ST8SIA2: variants seen among roughly 807,000 people sequenced by gnomAD.
The protein encoded by ST8SIA2 is alpha-2,8-sialyltransferase 8B.
Under a neutral mutation model 37.6 loss-of-function variants are expected in ST8SIA2, and 22 were observed. The observed-to-expected ratio is 0.58, with a 90% CI of 0.42 to 0.83. The LOEUF is 0.83. Among genes scored for constraint, ST8SIA2 ranks in the 40% least tolerant of loss-of-function variants. The probability of loss-of-function intolerance (pLI) is 0.00; values close to 1 mark genes in which losing one functional copy is unlikely to be tolerated. For missense variants in ST8SIA2, 382 were observed against 484.7 expected (o/e 0.79, Z 1.99); for synonymous variants, 205 against 201.2 (o/e 1.02, Z -0.16).
At chr15:92,451,600 A>C (rs1416024795) in intron 5 of ST8SIA2, among the ~76,000 whole-genome samples, 1 of 152,148 alleles carries the variant, frequency 6.6e-6, no homozygotes, top group Non-Finnish European at 1.5e-5. Context: ...GTGACTCAGA[A>C]AGGCTCAGAA....
At chr15:92,418,004 G>T (rs3858915) in intron 1 of ST8SIA2, among the ~76,000 whole-genome samples, 70,160 of 151,840 alleles carry the variant, frequency 0.46, 16,627 homozygotes, top group East Asian at 0.69. Context: ...AGGGCAGGAC[G>T]CAGGGGGCCA....
At chr15:92,454,539 A>C (rs1159637742) in intron 5 of ST8SIA2, among the ~76,000 whole-genome samples, 1 of 151,916 alleles carries the variant, frequency 6.6e-6, no homozygotes. Flanking sequence ...CTCATTCAAC[A>C]CATCTGAGTC....
intron 1 of ST8SIA2, among the ~76,000 whole-genome samples, chr15:92,403,409 A>G (rs60335920): frequency 6.6e-6 from 1 of 152,164 alleles, no homozygotes; most frequent in Non-Finnish European, 1.5e-5. Flanking sequence ...AAGATGCTGG[A>G]AACTTTTGAG....
chr15:92,454,435 G>A lies in ST8SIA2; in HGVS notation c.842+9506G>A, dbSNP rs149547228. Among the ~76,000 whole-genome samples the A allele has an allele frequency of 2.0e-3, 306 of 152,062 alleles. 1 individual carries two copies. Among genetic ancestry groups the A allele is most frequent in the African/African-American group, 7.2e-3 (298 of 41,464 alleles). ...AATACAGTCACATTCCAAGGTACTG[G>A]GGGTTAAAACATCAACATATGAGTT... On this transcript the variant is annotated intron_variant, in intron 5 of 5. Coordinates refer to ENST00000268164, the MANE Select transcript of ST8SIA2 (RefSeq NM_006011.4).
At chr15:92,405,393 C>T (rs1440704000) in intron 1 of ST8SIA2, among the ~76,000 whole-genome samples, 5 of 152,196 alleles carry the variant, frequency 3.3e-5, no homozygotes, top group African/African-American at 7.2e-5. Flanking sequence ...GTTCAGCAGA[C>T]GGATGGTAAT....
At chr15:92,431,162 G>C (rs771620741) in intron 2 of ST8SIA2, among the ~76,000 whole-genome samples, 7 of 152,140 alleles carry the variant, frequency 4.6e-5, no homozygotes, top group Non-Finnish European at 8.8e-5. Context: ...GTCTCTCTCT[G>C]TTCTATTATG....
chr15:92,394,207 C>T, intron 1 of ST8SIA2, 45 bp downstream of exon 1: 7 of 1,476,234 alleles, frequency 4.7e-6, no homozygotes, highest in Non-Finnish European at 6.5e-6. Context: ...CTGGCGGGAT[C>T]TCTCCCTCCT....
chr15:92,458,392 C>T (rs1258773201), intron 5 of ST8SIA2, among the ~76,000 whole-genome samples: 2 of 152,286 alleles, frequency 1.3e-5, no homozygotes, highest in African/African-American at 4.8e-5. Context: ...AGCCCAGTTA[C>T]CAGAGATGCC....
intron 5 of ST8SIA2, among the ~76,000 whole-genome samples, chr15:92,448,115 C>A (rs1365363544): frequency 6.6e-6 from 1 of 152,182 alleles, no homozygotes; most frequent in Admixed American, 6.5e-5. Flanking sequence ...GCATTAAGCA[C>A]CAGTAATAAG....
intron 5 of ST8SIA2, among the ~76,000 whole-genome samples, chr15:92,453,925 G>T (rs10775256): frequency 6.6e-6 from 1 of 151,922 alleles, no homozygotes; most frequent in Non-Finnish European, 1.5e-5. Context: ...CCTTCCGGAC[G>T]CTGGGAAGAA....
intron 1 of ST8SIA2, among the ~76,000 whole-genome samples, chr15:92,404,987 G>A (rs576196567): frequency 4.6e-5 from 7 of 152,292 alleles, no homozygotes; most frequent in East Asian, 1.9e-4. Flanking sequence ...GATGCTGGGC[G>A]TGGTGGCTCA....
intron 4 of ST8SIA2, among the ~76,000 whole-genome samples, chr15:92,439,563 G>A (rs1220345584): frequency 6.6e-6 from 1 of 152,182 alleles, no homozygotes; most frequent in African/African-American, 2.4e-5. Flanking sequence ...GGCAAAGACA[G>A]CCTTGTCCTG....
chr15:92,416,463 C>T (rs1596233846), intron 1 of ST8SIA2, among the ~76,000 whole-genome samples: 1 of 151,966 alleles, frequency 6.6e-6, no homozygotes, highest in South Asian at 2.1e-4. Flanking sequence ...TTTGGAAAAC[C>T]GGCGCGTGCA....
intron 1 of ST8SIA2, among the ~76,000 whole-genome samples, chr15:92,401,929 C>G (rs901709617): frequency 4.7e-5 from 7 of 150,524 alleles, no homozygotes; most frequent in African/African-American, 1.7e-4. Flanking sequence ...AAAAAAAGTG[C>G]AATGTAGCCA....
At chr15:92,429,274 C>T (rs190999303) in intron 1 of ST8SIA2, among the ~76,000 whole-genome samples, 24 of 152,188 alleles carry the variant, frequency 1.6e-4, no homozygotes, top group Admixed American at 1.2e-3. Flanking sequence ...GGCAAAAAGT[C>T]GGGGGTACTC....
intron 1 of ST8SIA2, among the ~76,000 whole-genome samples, chr15:92,397,189 AAAAGTGAAAGAAG>A (rs2049438194): frequency 6.6e-6 from 1 of 152,326 alleles, no homozygotes; most frequent in Admixed American, 6.5e-5. Flanking sequence ...AGGAATTTTA[AAAAGTGAAAGAAG>A]AAAGTGAATT....
chr15:92,445,126 A>C, intron 5 of ST8SIA2, 197 bp downstream of exon 5: 4 of 768,550 alleles, frequency 5.2e-6, no homozygotes, highest in Non-Finnish European at 4.2e-6. Context: ...TTCATCTGGC[A>C]TGCCAATTTT....
chr15:92,407,084 G>A lies in ST8SIA2; in HGVS notation c.98+12922G>A, dbSNP rs146507108. Among the ~76,000 whole-genome samples, 715 of 151,468 alleles carry A rather than the reference G, an allele frequency of 4.7e-3. 11 individuals carry two copies. The highest frequency in any genetic ancestry group is 0.016 in the African/African-American group (678 of 41,350). On this transcript the variant is annotated intron_variant, in intron 1 of 5. Coordinates refer to ENST00000268164, the MANE Select transcript of ST8SIA2 (RefSeq NM_006011.4). The stretch of plus-strand genomic sequence containing the variant: ...ACAGCCACTGGTTGGATTCCTGAGT[G>A]TATGCCAGGAGCTTTTTATACATTG...
chr15:92,424,197 G>C (rs1313407505), intron 1 of ST8SIA2, among the ~76,000 whole-genome samples: 2 of 152,186 alleles, frequency 1.3e-5, no homozygotes, highest in South Asian at 2.1e-4. Flanking sequence ...AAAATTGTCA[G>C]CTCCTGAAAG....
Sources: gnomAD v4.1 joint callset for allele counts (sites outside exome capture counted in the v4.1 genomes callset) on GRCh38, gnomAD v4.1.1 for gene constraint, MANE v1.5 for transcripts, NCBI Gene and HGNC (gene_info 2026-07-23, HGNC 2026-07-21) for gene names.